TBC1D9B: variants seen among roughly 807,000 people sequenced by gnomAD.
TBC1D9B encodes the protein TBC1 domain family member 9B.
TBC1D9B carries 87 observed loss-of-function variants against 121.1 expected under a neutral mutation model. The ratio of observed to expected loss-of-function variants is 0.72; its 90% CI spans 0.60 to 0.86. The LOEUF (loss-of-function observed/expected upper bound fraction) is 0.86. Among genes scored for constraint, TBC1D9B ranks in the 40% least tolerant of loss-of-function variants. TBC1D9B has a pLI of 0.00. For synonymous variants in TBC1D9B, 668 were observed against 670.1 expected (o/e 1.00, Z 0.05); for missense variants, 1,540 against 1,628.6 (o/e 0.95, Z 0.94).
chr5:179,873,134 C>A lies in TBC1D9B; in HGVS notation c.2301G>T (p.Leu767=), dbSNP rs1479475094. Residue 767 remains leucine, a synonymous_variant, in exon 13 of 21, where the codon CTG becomes CTT. Transcript: ENST00000355235. ...GGGTGCTGACCTCATAGGACACTTT[C>A]AGGAGCTCAAAGATGTCCACCTCTG... ...PPAEVDIFEL[L]KVSYEKFSSL... The A allele has an allele frequency of 5.0e-6, 8 of 1,611,352 alleles. No homozygotes were observed. The highest frequency in any genetic ancestry group is 6.8e-6 in the Non-Finnish European group (8 of 1,178,798).
At position 179,907,497 on chromosome 5, in the gene TBC1D9B, G is replaced by C. The variant is rs1291152426; in HGVS notation, c.118+207C>G. ...CCCGCCGAGGGCGCATTCGCCTCCC[G>C]CCAGCCCCTCGCCTCCCCGCCCCGG... On this transcript the variant is annotated intron_variant, in intron 1 of 20. Coordinates refer to ENST00000355235, the MANE Select transcript of TBC1D9B (RefSeq NM_015043.4). The surrounding 1 kb of genome is among the most constrained non-coding windows in gnomAD (Gnocchi z 5.3). Among the ~76,000 whole-genome samples, 1 of 150,928 alleles carries C rather than the reference G, an allele frequency of 6.6e-6. No homozygotes were observed. Among genetic ancestry groups the C allele is most frequent in the African/African-American group, 2.4e-5 (1 of 41,244 alleles).
intron 7 of TBC1D9B, among the ~76,000 whole-genome samples, chr5:179,886,148 T>C (rs1173755635): frequency 6.6e-6 from 1 of 152,168 alleles, no homozygotes; most frequent in East Asian, 1.9e-4. Flanking sequence ...TTCTTTCCCC[T>C]GGCACTCCTG....
In TBC1D9B at chr5:179,875,777, TA is replaced by T; in HGVS notation, c.1900+142del. ...AATTTAGGCTCTGAGGGGACTTTTA[TA>T]AACCACCGAATGTGTAATACTACCC... is the stretch of plus-strand genomic sequence containing the variant. On this transcript the variant is annotated intron_variant, in intron 11 of 20. Coordinates refer to ENST00000355235, the MANE Select transcript of TBC1D9B (RefSeq NM_015043.4). The surrounding 1 kb of genome is among the most constrained non-coding windows in gnomAD (Gnocchi z 4.5). 2 of 592,696 alleles carry T rather than the reference TA, an allele frequency of 3.4e-6. No individual in the cohort carries two copies. The highest frequency in any genetic ancestry group is 5.7e-6 in the Non-Finnish European group (2 of 352,756). The allele number at this position is 592,696 out of a possible 1,614,324, so 36.7% of individuals were successfully genotyped here. A position where few individuals can be genotyped will look rare whatever the true frequency, so the allele number is the denominator to read the frequency against.
intron 13 of TBC1D9B, 54 bp from the exon 14 acceptor site, chr5:179,873,044 C>A: frequency 6.2e-7 from 1 of 1,613,574 alleles, no homozygotes; most frequent in Non-Finnish European, 8.5e-7. Flanking sequence ...CAGAGGGCCA[C>A]CACCTGCCCA....
intron 20 of TBC1D9B, among the ~76,000 whole-genome samples, chr5:179,864,634 C>A (rs989335281): frequency 2.0e-5 from 3 of 152,120 alleles, no homozygotes; most frequent in Non-Finnish European, 2.9e-5. Flanking sequence ...TGAAGCCACA[C>A]GTCTAGGCCT....
intron 7 of TBC1D9B, chr5:179,887,711 G>A (rs1156953866): frequency 8.0e-6 from 2 of 250,064 alleles, no homozygotes; most frequent in Non-Finnish European, 1.5e-5. Context: ...TGGTACAATA[G>A]TGATACTGCA....
At position 179,875,688 on chromosome 5, in the gene TBC1D9B, T is replaced by G. The variant is rs956436487; in HGVS notation, c.1900+232A>C. Among the ~76,000 whole-genome samples the G allele has an allele frequency of 2.6e-5, 4 of 152,224 alleles. No homozygotes were observed. The highest frequency in any genetic ancestry group is 9.7e-5 in the African/African-American group (4 of 41,444). Reference sequence around the variant, plus strand: ...ATCAGGTTACATGGGGGATATATACTCTCTAGTTTTGATGTTTGAAATTTT... The same window carrying G: ...ATCAGGTTACATGGGGGATATATACGCTCTAGTTTTGATGTTTGAAATTTT... On this transcript the variant is annotated intron_variant, in intron 11 of 20. Coordinates refer to ENST00000355235, the MANE Select transcript of TBC1D9B (RefSeq NM_015043.4). This position sits in a 1 kb window ranked among gnomAD's most constrained non-coding sequence, Gnocchi z 4.5.
At chr5:179,869,286 G>C (rs393065) in intron 17 of TBC1D9B, 18,266 of 319,734 alleles carry the variant, frequency 0.057, 3,149 homozygotes, top group African/African-American at 0.37. Flanking sequence ...GCTGAGCCCT[G>C]CCCCCTGCAC....
rs1761355992 is a variant in TBC1D9B, at chr5:179,907,455, A to G, written c.118+249T>C. 6.6e-6 allele frequency among the ~76,000 whole-genome samples: 1 copy of G among 151,368 alleles called. No homozygotes were observed. Among genetic ancestry groups the G allele is most frequent in the Non-Finnish European group, 1.5e-5 (1 of 67,560 alleles). On this transcript the variant is annotated intron_variant, in intron 1 of 20. Transcript: ENST00000355235. This position sits in a 1 kb window ranked among gnomAD's most constrained non-coding sequence, Gnocchi z 5.3. Reference sequence around the variant, plus strand: ...CGCCGGTCTCCACTTGGCCGCCCCAAGCCGACCTGAGGAGAGCCCGCCGAG... The same window carrying G: ...CGCCGGTCTCCACTTGGCCGCCCCAGGCCGACCTGAGGAGAGCCCGCCGAG...
Position 179,899,266 on chromosome 5 carries a change from C to A in TBC1D9B, c.271G>T (p.Glu91Ter), listed in dbSNP as rs199873978. Reference protein sequence around the residue: ...KEITKHWEWLENNLLQTLSIF... With the variant: ...KEITKHWEWL ...GACAGTGTCTGGAGCAAGTTATTTT[C>A]CAGCCATTCCCAGTGTTTTGTGATC... The change falls in exon 3 of 21, where the codon GAA (glutamate) becomes TAA (stop). Residue 91 changes from glutamate (E) to a stop codon, truncating the protein, a stop_gained. Coordinates refer to ENST00000355235, the MANE Select transcript of TBC1D9B (RefSeq NM_015043.4). LOFTEE classifies it high-confidence loss of function. 6.2e-7 allele frequency: 1 copy of A among 1,612,822 alleles called. No individual in the cohort carries two copies. Among genetic ancestry groups the A allele is most frequent in the East Asian group, 2.2e-5 (1 of 44,752 alleles).
In TBC1D9B at chr5:179,888,575, A is replaced by G. The variant is rs768537718; in HGVS notation, c.1045-263T>C. 4.6e-5 allele frequency among the ~76,000 whole-genome samples: 7 copies of G among 152,326 alleles called. No individual in the cohort carries two copies. In the South Asian group the frequency reaches 1.0e-3, roughly 23 times the overall value. On this transcript the variant is annotated intron_variant, in intron 6 of 20. Transcript: ENST00000355235. ...TGGTTCTGAGGATGATGTAGTGTTCAGCCCAGCTGCTGGCCTTCACTGGCT... is the reference window on the plus strand; with the variant it reads ...TGGTTCTGAGGATGATGTAGTGTTCGGCCCAGCTGCTGGCCTTCACTGGCT...
At chr5:179,873,798 T>C (rs1760273872) in intron 12 of TBC1D9B, among the ~76,000 whole-genome samples, 1 of 151,810 alleles carries the variant, frequency 6.6e-6, no homozygotes, top group South Asian at 2.1e-4. Flanking sequence ...GGGCTGAGCC[T>C]GACACTCAGG....
intron 7 of TBC1D9B, 53 bp downstream of exon 7, chr5:179,888,050 C>T (rs528259786): frequency 6.2e-7 from 1 of 1,605,104 alleles, no homozygotes; most frequent in African/African-American, 1.3e-5. Context: ...TGATGGATGC[C>T]CTGGCTCTTC....
intron 16 of TBC1D9B, 141 bp from the exon 17 acceptor site, chr5:179,869,975 G>C: frequency 1.0e-6 from 1 of 968,954 alleles, no homozygotes; most frequent in South Asian, 1.7e-5. Flanking sequence ...CAGATCTCCT[G>C]TCTCCCTGGC....
At chr5:179,881,270 G>A (rs192901118) in intron 7 of TBC1D9B, among the ~76,000 whole-genome samples, 46 of 152,200 alleles carry the variant, frequency 3.0e-4, no homozygotes, top group African/African-American at 1.1e-3. Flanking sequence ...CCTCTTCCCC[G>A]AGGTAACCAC....
chr5:179,873,485 T>C (rs1432095469), intron 12 of TBC1D9B, among the ~76,000 whole-genome samples: 1 of 152,234 alleles, frequency 6.6e-6, no homozygotes, highest in Non-Finnish European at 1.5e-5. Flanking sequence ...CTGAGGACGC[T>C]GGGCTGTTTT....
intron 2 of TBC1D9B, among the ~76,000 whole-genome samples, chr5:179,900,766 C>T (rs906533492): frequency 6.6e-6 from 1 of 152,236 alleles, no homozygotes; most frequent in South Asian, 2.1e-4. Flanking sequence ...CTCGCATGCA[C>T]GGATCTCCTT....
At chr5:179,882,812 G>T (rs1463999251) in intron 7 of TBC1D9B, among the ~76,000 whole-genome samples, 2 of 152,154 alleles carry the variant, frequency 1.3e-5, no homozygotes, top group African/African-American at 2.4e-5. Context: ...TTGTGCCACT[G>T]CACTCCAGGA....
In TBC1D9B at chr5:179,891,469, G is replaced by A. The variant is rs766654139; in HGVS notation, c.954C>T (p.His318=). The stretch of plus-strand genomic sequence containing the variant: ...TGGAGATGAACATCTGGCCAGGGAT[G>A]TGCAGCTTGTTGAACGGCGTCCACA... ...CTLWTPFNKL[H]IPGQMFISNN... Residue 318 remains histidine (H), a synonymous_variant, in exon 6 of 21, where the codon CAC becomes CAT. Transcript: ENST00000355235. The surrounding 1 kb of genome is among the most constrained non-coding windows in gnomAD (Gnocchi z 4.3). 7 of 1,614,136 alleles carry A rather than the reference G, an allele frequency of 4.3e-6. No individual in the cohort carries two copies. The East Asian group carries it at 8.9e-5, about 21-fold the overall frequency.
Sources: allele counts gnomAD v4.1 joint callset (sites outside exome capture counted in the v4.1 genomes callset), GRCh38; gene constraint gnomAD v4.1.1; non-coding constraint Gnocchi (gnomAD v3.1); transcripts MANE v1.5; gene names NCBI Gene and HGNC (gene_info 2026-07-23, HGNC 2026-07-21).